Variants in PLCE1 observed in about 807,000 individuals in gnomAD.
PLCE1 encodes the protein 1-phosphatidylinositol 4,5-bisphosphate phosphodiesterase epsilon-1.
In PLCE1, 119 loss-of-function variants were observed where a neutral mutation model predicts 242.8. The observed-to-expected ratio is 0.49, with a 90% CI of 0.42 to 0.57. The LOEUF (loss-of-function observed/expected upper bound fraction) is 0.57, where lower values mean the gene tolerates loss of function less well. Ranked by LOEUF, PLCE1 falls within the 20% of genes least tolerant of loss-of-function variation. The pLI is 0.00. For synonymous variants in PLCE1, 945 were observed against 1,017.4 expected, an observed-to-expected ratio of 0.93 and a Z score of 1.35; for missense variants, 2,441 against 2,788.8, an observed-to-expected ratio of 0.88 and a Z score of 2.81.
At chr10:94,234,425 G>A (rs190646775) in intron 6 of PLCE1, 113 bp downstream of exon 6, 2 of 1,156,082 alleles carry the variant, frequency 1.7e-6, no homozygotes, top group East Asian at 2.4e-5. Flanking sequence ...AGGGTTAATA[G>A]TTGTTATATT....
At position 94,259,131 on chromosome 10, in the gene PLCE1, C is replaced by A; in HGVS notation, c.3795C>A (p.Ser1265Arg). Residue 1265 changes from serine (S) to arginine (R), a missense_variant, in exon 13 of 33, where the codon AGC (serine) becomes AGA (arginine). Around this residue, in one of 5 missense-constraint regions of PLCE1, gnomAD observed 1,004 missense variants for 1,322.7 expected, o/e 0.76. Transcript: ENST00000371380. Reference sequence around the variant, plus strand: ...ACCTGACAATTGATGAAAACACCAGCGATCTTCAGCCTGACCTAGGTTTGT... The same window carrying A: ...ACCTGACAATTGATGAAAACACCAGAGATCTTCAGCCTGACCTAGGTTTGT... ...YTNLTIDENT[S>R]DLQPDLDLLT... The A allele has an allele frequency of 6.2e-7, 1 of 1,614,036 alleles. No individual in the cohort carries two copies. Among genetic ancestry groups the A allele is most frequent in the Non-Finnish European group, 8.5e-7 (1 of 1,179,932 alleles).
chr10:94,256,595 T>C (rs2051111404), intron 11 of PLCE1, among the ~76,000 whole-genome samples: 1 of 152,214 alleles, frequency 6.6e-6, no homozygotes, highest in Non-Finnish European at 1.5e-5. Context: ...TCCTGTTTAT[T>C]ATACTTTCAG....
At chr10:94,016,257 T>C (rs924298716) in intron 1 of PLCE1, among the ~76,000 whole-genome samples, 2 of 151,998 alleles carry the variant, frequency 1.3e-5, no homozygotes, top group Admixed American at 1.3e-4. Context: ...ATTTAGACAA[T>C]AGTACTAGGT....
chr10:94,025,390 C>T (rs2061438833), intron 1 of PLCE1, among the ~76,000 whole-genome samples: 2 of 152,240 alleles, frequency 1.3e-5, no homozygotes, highest in African/African-American at 2.4e-5. Context: ...CTCTGCCACC[C>T]TACTGATAAT....
intron 23 of PLCE1, among the ~76,000 whole-genome samples, chr10:94,294,726 G>A (rs1224979037): frequency 1.3e-5 from 2 of 152,040 alleles, no homozygotes; most frequent in African/African-American, 2.4e-5. Flanking sequence ...GCTGGTGGAG[G>A]GTGTTGCCTC....
chr10:94,021,324 A>G (rs1484293240), intron 1 of PLCE1, among the ~76,000 whole-genome samples: 2 of 151,364 alleles, frequency 1.3e-5, no homozygotes, highest in African/African-American at 4.9e-5. Context: ...TAGTGTCTTA[A>G]GAAAATTTTC....
intron 30 of PLCE1, among the ~76,000 whole-genome samples, chr10:94,323,686 T>G (rs1177408449): frequency 6.6e-6 from 1 of 152,254 alleles, no homozygotes; most frequent in African/African-American, 2.4e-5. Flanking sequence ...TCTTACTGTA[T>G]GATAACTTAG....
chr10:94,126,230 T>C (rs1303513286), intron 2 of PLCE1, among the ~76,000 whole-genome samples: 1 of 152,192 alleles, frequency 6.6e-6, no homozygotes, highest in Non-Finnish European at 1.5e-5. Context: ...CCTACCATAA[T>C]GGGAGGAGTG....
At chr10:94,128,439 G>T (rs55706194) in intron 2 of PLCE1, among the ~76,000 whole-genome samples, 3,146 of 152,194 alleles carry the variant, frequency 0.021, 118 homozygotes, top group African/African-American at 0.07. Flanking sequence ...AGTAATTTTT[G>T]ATCTCTTTCT....
chr10:94,273,524 A>G, intron 18 of PLCE1, 38 bp from the exon 19 acceptor site: 1 of 1,563,544 alleles, frequency 6.4e-7, no homozygotes, highest in South Asian at 1.1e-5. Flanking sequence ...ATTATAGATA[A>G]AAGGCATTGA....
At chr10:94,165,965 C>T (rs185051435) in intron 3 of PLCE1, among the ~76,000 whole-genome samples, 15 of 152,222 alleles carry the variant, frequency 9.9e-5, no homozygotes, top group Admixed American at 9.8e-4. Flanking sequence ...CCTCGCCTCC[C>T]AAAGTGCTGG....
intron 6 of PLCE1, among the ~76,000 whole-genome samples, chr10:94,234,777 C>A (rs2050261641): frequency 6.6e-6 from 1 of 152,124 alleles, no homozygotes; most frequent in Non-Finnish European, 1.5e-5. Context: ...CTCCAGGCTC[C>A]TGATCCTCAG....
chr10:94,285,324 G>A (rs1212888693), intron 22 of PLCE1, among the ~76,000 whole-genome samples: 1 of 152,014 alleles, frequency 6.6e-6, no homozygotes, highest in Non-Finnish European at 1.5e-5. Context: ...CAAGGTAGGC[G>A]GTATTATCTC....
At chr10:94,239,498 G>A (rs2050432505) in intron 7 of PLCE1, among the ~76,000 whole-genome samples, 1 of 152,178 alleles carries the variant, frequency 6.6e-6, no homozygotes, top group Admixed American at 6.5e-5. Context: ...GCTGAACTGT[G>A]AGTTAATTAA....
At chr10:94,150,171 A>T (rs2047230308) in intron 3 of PLCE1, among the ~76,000 whole-genome samples, 1 of 152,126 alleles carries the variant, frequency 6.6e-6, no homozygotes, top group African/African-American at 2.4e-5. Flanking sequence ...GCCTTCCACT[A>T]CGGCCCCGCC....
rs564309744 is a variant in PLCE1 at position 94,137,059 on chromosome 10, G to C, written c.1492+4600G>C. Among the ~76,000 whole-genome samples the C allele has an allele frequency of 2.0e-5, 3 of 152,258 alleles. No individual in the cohort carries two copies. The South Asian group carries it at 6.2e-4, about 32-fold the overall frequency. ...TACAAAAAAATTAGCCGGGTATGGT[G>C]GTGGGTGCCTGTAGTCCCAGCTACT... On this transcript the variant is annotated intron_variant, in intron 3 of 32. Coordinates refer to ENST00000371380, the MANE Select transcript of PLCE1 (RefSeq NM_016341.4).
chr10:94,064,893 G>C (rs1046324819), intron 2 of PLCE1, among the ~76,000 whole-genome samples: 3 of 152,138 alleles, frequency 2.0e-5, no homozygotes, highest in African/African-American at 7.2e-5. Context: ...AATAACTGGG[G>C]TGGGAGTTCA....
intron 1 of PLCE1, among the ~76,000 whole-genome samples, chr10:94,008,256 A>G (rs897708360): frequency 1.3e-5 from 2 of 151,178 alleles, no homozygotes; most frequent in Non-Finnish European, 2.9e-5. Context: ...ATTTATCTAG[A>G]TCTAAGTCAC....
rs1266821281 is a variant in PLCE1 at position 94,110,065 on chromosome 10, T to TTTTTG, written c.1207-22105_1207-22104insGTTTT. Among the ~76,000 whole-genome samples the TTTTTG allele has an allele frequency of 1.8e-5, 2 of 110,152 alleles. 1 individual carries two copies. Among genetic ancestry groups the TTTTTG allele is most frequent in the East Asian group, 5.0e-4 (2 of 4,014 alleles). The allele number at this position is 110,152 out of a possible 152,430, so 72.3% of individuals were successfully genotyped here. ...TTCCTTTTTTTCTTTTTTCTTTTTT[T>TTTTTG]TTTTTTTTTTTTTTTGAGATGGAGT... is the stretch of plus-strand genomic sequence containing the variant. On this transcript the variant is annotated intron_variant, in intron 2 of 32. Transcript: ENST00000371380.
Sources: gnomAD v4.1 joint callset for allele counts (sites outside exome capture counted in the v4.1 genomes callset) on GRCh38, gnomAD v4.1.1 for gene constraint, gnomAD v4.1.1 regional missense constraint, MANE v1.5 for transcripts, NCBI Gene and HGNC (gene_info 2026-07-23, HGNC 2026-07-21) for gene names.